USP34: variants seen among roughly 807,000 people sequenced by gnomAD.
USP34 encodes the protein ubiquitin carboxyl-terminal hydrolase 34.
Under a neutral mutation model 460.3 loss-of-function variants are expected in USP34, and 70 were observed. The ratio of observed to expected loss-of-function variants is 0.15; its 90% CI spans 0.13 to 0.19. The LOEUF (loss-of-function observed/expected upper bound fraction) is 0.19. Among genes scored for constraint, USP34 ranks in the 10% least tolerant of loss-of-function variants. The probability of loss-of-function intolerance (pLI) is 1.00; values close to 1 mark genes in which losing one functional copy is unlikely to be tolerated. For missense variants in USP34, 3,985 were observed against 4,236.2 expected (o/e 0.94, Z 1.65); for synonymous variants, 1,647 against 1,405.3 (o/e 1.17, Z -3.85).
At chr2:61,418,837 C>T (rs1343671807) in intron 2 of USP34, among the ~76,000 whole-genome samples, 4 of 152,258 alleles carry the variant, frequency 2.6e-5, no homozygotes, top group Middle Eastern at 3.4e-3. Flanking sequence ...TTTATTACTA[C>T]GAGCTAACAA....
intron 41 of USP34, among the ~76,000 whole-genome samples, chr2:61,274,657 C>G (rs1689319233): frequency 6.6e-6 from 1 of 152,128 alleles, no homozygotes; most frequent in South Asian, 2.1e-4. Flanking sequence ...CCAAGAGAAT[C>G]TCTTTGCACC....
At chr2:61,345,951 A>G (rs146186933) in intron 15 of USP34, among the ~76,000 whole-genome samples, 4 of 152,284 alleles carry the variant, frequency 2.6e-5, no homozygotes, top group African/African-American at 9.6e-5. Context: ...AGAAAAATTA[A>G]TTATTTTGCC....
At position 61,311,603 on chromosome 2, in the gene USP34, G is replaced by T; in HGVS notation, c.3754C>A (p.Gln1252Lys). 6.2e-7 allele frequency: 1 copy of T among 1,613,512 alleles called. No homozygotes were observed. Among genetic ancestry groups the T allele is most frequent in the South Asian group, 1.1e-5 (1 of 90,932 alleles). The change falls in exon 27 of 80, where the codon CAA (glutamine) becomes AAA (lysine). Residue 1252 changes from glutamine to lysine, a missense_variant. Physicochemically the swap from Gln to Lys is moderately conservative, Grantham distance 53. This residue lies in a region of USP34 where 1,114 missense variants were observed against 1,122.5 expected (regional missense o/e 0.99). Coordinates refer to ENST00000398571, the MANE Select transcript of USP34 (RefSeq NM_014709.4). ...TGAAGCTGAGCTTGTTGATTTATTT[G>T]TTCTTTCTGTAAATTTTCATACCAA... is the stretch of plus-strand genomic sequence containing the variant. ...THWYENLQKE[Q>K]INQQAQLQEF...
chr2:61,388,265 G>A (rs1463104125), intron 5 of USP34, among the ~76,000 whole-genome samples: 1 of 151,876 alleles, frequency 6.6e-6, no homozygotes, highest in African/African-American at 2.4e-5. Flanking sequence ...AAATCACAAT[G>A]AGCTACTACT....
chr2:61,258,370 C>T (rs936646187), intron 44 of USP34, among the ~76,000 whole-genome samples: 1 of 152,000 alleles, frequency 6.6e-6, no homozygotes, highest in Non-Finnish European at 1.5e-5. Flanking sequence ...TGACACAATC[C>T]CTGTCCTCAA....
chr2:61,203,546 T>C (rs1687032708), intron 74 of USP34, among the ~76,000 whole-genome samples: 1 of 152,124 alleles, frequency 6.6e-6, no homozygotes, highest in African/African-American at 2.4e-5. Context: ...TCTACAGACA[T>C]ATCAAGAAAA....
chr2:61,344,141 T>A, intron 15 of USP34, 112 bp from the exon 16 acceptor site: 2 of 928,254 alleles, frequency 2.2e-6, no homozygotes, highest in South Asian at 3.4e-5. Context: ...CAAACCGACA[T>A]CTGCTTATTA....
intron 41 of USP34, 98 bp downstream of exon 41, chr2:61,278,067 T>G: frequency 7.1e-7 from 1 of 1,399,100 alleles, no homozygotes; most frequent in Non-Finnish European, 9.8e-7. Flanking sequence ...GTCTCGGGTA[T>G]GCCTTTATGA....
rs553226884 is a variant in USP34 at position 61,365,733 on chromosome 2, A to T, written c.1251+4588T>A. Among the ~76,000 whole-genome samples, 14 of 152,306 alleles carry T rather than the reference A, an allele frequency of 9.2e-5. No homozygotes were observed. In the South Asian group the frequency reaches 2.9e-3, roughly 32 times the overall value. On this transcript the variant is annotated intron_variant, in intron 10 of 79. Transcript: ENST00000398571. ...GAATTACGGTTATAGTATATAATCTAAATGTTATAATATTTGATAAAATAC... is the reference window on the plus strand; with the variant it reads ...GAATTACGGTTATAGTATATAATCTTAATGTTATAATATTTGATAAAATAC...
At chr2:61,220,802 A>C (rs1408301418) in intron 66 of USP34, among the ~76,000 whole-genome samples, 7 of 152,206 alleles carry the variant, frequency 4.6e-5, no homozygotes, top group Admixed American at 4.6e-4. Flanking sequence ...TTTTCTGATT[A>C]CATGCCCAAC....
intron 67 of USP34, among the ~76,000 whole-genome samples, chr2:61,219,782 G>T (rs145758498): frequency 4.6e-5 from 7 of 151,582 alleles, no homozygotes; most frequent in Non-Finnish European, 8.8e-5. Context: ...TTTATAATAA[G>T]AAATTTAAAA....
Position 61,350,625 on chromosome 2 carries a change from T to G in USP34, c.1320A>C (p.Pro440=). 10 of 1,613,840 alleles carry G rather than the reference T, an allele frequency of 6.2e-6. No homozygotes were observed. The highest frequency in any genetic ancestry group is 8.5e-6 in the Non-Finnish European group (10 of 1,179,838). Residue 440 remains proline (P), a synonymous_variant, in exon 11 of 80, where the codon CCA becomes CCC. Transcript: ENST00000398571. ...AGACCAGATTAAGTAGATGTCTAAG[T>G]GGTACGGGATCCAAATTCTTGATGA... is the stretch of plus-strand genomic sequence containing the variant. ...PSLIKNLDPV[P]LRHLLNLVSA...
rs192419074 is a variant in USP34, at chr2:61,331,743, A to G, written c.2835-372T>C. Among the ~76,000 whole-genome samples the G allele has an allele frequency of 9.9e-5, 15 of 152,090 alleles. No homozygotes were observed. The East Asian group carries it at 1.4e-3, about 14-fold the overall frequency. ...AAGGCATACAATAAACTTACTGCAT[A>G]TATCTTTTGTCATTAATTTGCTTAT... is the stretch of plus-strand genomic sequence containing the variant. On this transcript the variant is annotated intron_variant, in intron 19 of 79. Coordinates refer to ENST00000398571, the MANE Select transcript of USP34 (RefSeq NM_014709.4).
intron 67 of USP34, 68 bp downstream of exon 67, chr2:61,220,242 A>G: frequency 1.4e-6 from 2 of 1,475,012 alleles, no homozygotes; most frequent in South Asian, 2.9e-5. Context: ...TAGTTGCCTA[A>G]AAACAAAATG....
In USP34 at chr2:61,314,671, A is replaced by G. The variant is rs758743299; in HGVS notation, c.3456T>C (p.Ser1152=). 5.0e-6 allele frequency: 8 copies of G among 1,603,774 alleles called. No individual in the cohort carries two copies. The highest frequency in any genetic ancestry group is 6.8e-6 in the Non-Finnish European group (8 of 1,176,684). Residue 1152 remains serine (S), a synonymous_variant, in exon 25 of 80, where the codon AGT becomes AGC. Coordinates refer to ENST00000398571, the MANE Select transcript of USP34 (RefSeq NM_014709.4). ...CMESLMIASS[S]LEQESHSSLM... The stretch of plus-strand genomic sequence containing the variant: ...GACTTGAGTGTGATTCCTGTTCAAG[A>G]CTGCTAGAAGCTATCATAAGACTCT...
chr2:61,317,817 C>A lies in USP34; in HGVS notation c.3169-50G>T, dbSNP rs1027664968. On this transcript the variant is annotated intron_variant, in intron 22 of 79. Coordinates refer to ENST00000398571, the MANE Select transcript of USP34 (RefSeq NM_014709.4). ...AAAGCTAATTTAGTGTGGTAATTCA[C>A]AGATTTTATTAAATTTAAATAAACT... The A allele has an allele frequency of 5.1e-6, 7 of 1,365,420 alleles. No homozygotes were observed. The South Asian group carries it at 9.0e-5, about 18-fold the overall frequency. The allele number at this position is 1,365,420 out of a possible 1,614,324, so 84.6% of individuals were successfully genotyped here.
intron 8 of USP34, among the ~76,000 whole-genome samples, chr2:61,373,264 T>C (rs1344610141): frequency 6.6e-6 from 1 of 151,340 alleles, no homozygotes; most frequent in Non-Finnish European, 1.5e-5. Context: ...AGAAACAAGA[T>C]ATGAGATACA....
chr2:61,198,794 G>A (rs1307595745), intron 75 of USP34, among the ~76,000 whole-genome samples: 2 of 152,102 alleles, frequency 1.3e-5, no homozygotes, highest in African/African-American at 2.4e-5. Context: ...GCTTGAACCC[G>A]GGAGGTGGAG....
At chr2:61,380,406 A>T (rs773110942) in intron 6 of USP34, 45 bp from the exon 7 acceptor site, 1 of 1,557,620 alleles carries the variant, frequency 6.4e-7, no homozygotes, top group East Asian at 2.3e-5. Context: ...TTCATAAAGC[A>T]TTTTTAAAGA....
Sources: allele counts gnomAD v4.1 joint callset (sites outside exome capture counted in the v4.1 genomes callset), GRCh38; gene constraint gnomAD v4.1.1; regional missense constraint gnomAD v4.1.1; transcripts MANE v1.5; gene names NCBI Gene and HGNC (gene_info 2026-07-23, HGNC 2026-07-21).